Variants in LRRC8B observed in about 807,000 individuals in gnomAD.
The protein encoded by LRRC8B is volume-regulated anion channel subunit LRRC8B.
A neutral mutation model predicts 58.8 loss-of-function variants in LRRC8B; 23 were observed. The observed-to-expected ratio is 0.39, with a 90% CI of 0.28 to 0.55. The LOEUF (loss-of-function observed/expected upper bound fraction) is 0.55. LRRC8B is among the 20% of genes least tolerant of loss of function. The pLI is 0.62. For missense variants in LRRC8B, 694 were observed against 936.0 expected, an observed-to-expected ratio of 0.74 and a Z score of 3.37; for synonymous variants, 359 against 374.1, an observed-to-expected ratio of 0.96 and a Z score of 0.47.
intron 1 of LRRC8B, among the ~76,000 whole-genome samples, chr1:89,562,463 G>A (rs1652747384): frequency 2.0e-5 from 3 of 151,812 alleles, no homozygotes; most frequent in Admixed American, 1.3e-4. Flanking sequence ...TTCATATATT[G>A]CTATTTATCC....
intron 3 of LRRC8B, among the ~76,000 whole-genome samples, chr1:89,577,417 A>G (rs1421218683): frequency 6.6e-6 from 1 of 152,176 alleles, no homozygotes; most frequent in Non-Finnish European, 1.5e-5. Context: ...TAAAAGCTGA[A>G]ATAATGGGAT....
At chr1:89,577,467 T>C (rs528460919) in intron 3 of LRRC8B, among the ~76,000 whole-genome samples, 1 of 152,306 alleles carries the variant, frequency 6.6e-6, no homozygotes, top group South Asian at 2.1e-4. Flanking sequence ...TTTCTTTGGA[T>C]TGATTTAGTG....
At position 89,578,394 on chromosome 1, in the gene LRRC8B, T is replaced by C. The variant is rs546033803; in HGVS notation, c.-124-1197T>C. The stretch of plus-strand genomic sequence containing the variant: ...CATAAATGCAGTCATGTGATATATG[T>C]TGTAAGACTTTTATAAAGGCTTGTG... On this transcript the variant is annotated intron_variant, in intron 3 of 5. Transcript: ENST00000330947. Among the ~76,000 whole-genome samples, 3 of 152,096 alleles carry C rather than the reference T, an allele frequency of 2.0e-5. No homozygotes were observed. In the South Asian group the frequency reaches 6.3e-4, roughly 32 times the overall value.
intron 1 of LRRC8B, among the ~76,000 whole-genome samples, chr1:89,526,327 G>T (rs894157025): frequency 3.3e-5 from 5 of 152,178 alleles, no homozygotes; most frequent in African/African-American, 1.2e-4. Context: ...TGATTCTCCT[G>T]CCTCAGCCTC....
intron 5 of LRRC8B, among the ~76,000 whole-genome samples, chr1:89,585,258 GA>G: frequency 6.6e-6 from 1 of 152,242 alleles, no homozygotes; most frequent in Non-Finnish European, 1.5e-5. Flanking sequence ...GTGATGTGGT[GA>G]AAAAGATTTG....
intron 1 of LRRC8B, among the ~76,000 whole-genome samples, chr1:89,564,746 G>A (rs1387965274): frequency 6.6e-6 from 1 of 152,178 alleles, no homozygotes; most frequent in African/African-American, 2.4e-5. Context: ...AAGCATAATA[G>A]AACTATCAGT....
In LRRC8B at chr1:89,584,063, C is replaced by T. The variant is rs756872546; in HGVS notation, c.1413C>T (p.Tyr471=). 7.4e-6 allele frequency: 12 copies of T among 1,614,082 alleles called. No homozygotes were observed. Among genetic ancestry groups the T allele is most frequent in the Non-Finnish European group, 1.0e-5 (12 of 1,180,016 alleles). Residue 471 remains tyrosine (Y), a synonymous_variant, in exon 5 of 6, where the codon TAC becomes TAT. Coordinates refer to ENST00000330947, the MANE Select transcript of LRRC8B (RefSeq NM_001369817.2). ...QLVNLKELRV[Y]HSSLVVDHPA... ...TCAACCTCAAGGAGCTTCGTGTGTA[C>T]CATTCATCTCTGGTCGTAGACCATC... is the stretch of plus-strand genomic sequence containing the variant.
chr1:89,548,916 T>C (rs184118472), intron 1 of LRRC8B, among the ~76,000 whole-genome samples: 7 of 152,212 alleles, frequency 4.6e-5, no homozygotes, highest in African/African-American at 1.7e-4. Flanking sequence ...ATAAATACAA[T>C]AGAAGTCATA....
At chr1:89,556,385 G>T (rs1327758552) in intron 1 of LRRC8B, among the ~76,000 whole-genome samples, 1 of 152,080 alleles carries the variant, frequency 6.6e-6, no homozygotes, top group Non-Finnish European at 1.5e-5. Flanking sequence ...GTGTTTTCCT[G>T]AGTTCTATGA....
rs1653187955 is a variant in LRRC8B, at chr1:89,568,317, C to A, written c.-180+10C>A. On this transcript the variant is annotated intron_variant, in intron 2 of 5. Coordinates refer to ENST00000330947, the MANE Select transcript of LRRC8B (RefSeq NM_001369817.2). ...AATGCTTTCTTTTTAAGTAAGTTATCTTTTGTATGTTTCATAAAATTATTA... is the reference window on the plus strand; with the variant it reads ...AATGCTTTCTTTTTAAGTAAGTTATATTTTGTATGTTTCATAAAATTATTA... The A allele has an allele frequency of 6.6e-6, 1 of 152,014 alleles. No homozygotes were observed. Among genetic ancestry groups the A allele is most frequent in the African/African-American group, 2.4e-5 (1 of 41,394 alleles). 9.4% of individuals were successfully genotyped at this position (152,014 alleles called of 1,614,324 possible).
intron 3 of LRRC8B, among the ~76,000 whole-genome samples, chr1:89,575,543 C>A (rs1018359727): frequency 5.9e-5 from 9 of 152,106 alleles, no homozygotes; most frequent in Admixed American, 3.3e-4. Context: ...GAAATAAAAC[C>A]TTTTCTTAAG....
intron 1 of LRRC8B, among the ~76,000 whole-genome samples, chr1:89,560,098 A>G (rs922105): frequency 0.5 from 75,754 of 152,090 alleles, 19,248 homozygotes; most frequent in South Asian, 0.57. Flanking sequence ...GGAAAATTAG[A>G]TTACGTGAGA....
intron 1 of LRRC8B, among the ~76,000 whole-genome samples, chr1:89,547,869 G>T (rs1407326399): frequency 6.6e-6 from 1 of 152,162 alleles, no homozygotes; most frequent in Non-Finnish European, 1.5e-5. Context: ...AAAACCAGTT[G>T]TACAAATAGG....
At position 89,583,251 on chromosome 1, in the gene LRRC8B, T is replaced by G; in HGVS notation, c.601T>G (p.Ser201Ala). ...SSSGCSADID[S>A]GKQSLPYPQP... ...CTCAGGGTGTTCAGCTGACATAGATTCCGGCAAACAGTCATTGCCCTACCC... is the reference window on the plus strand; with the variant it reads ...CTCAGGGTGTTCAGCTGACATAGATGCCGGCAAACAGTCATTGCCCTACCC... The change falls in exon 5 of 6, where the codon TCC (serine) becomes GCC (alanine). Residue 201 changes from serine to alanine, a missense_variant. Transcript: ENST00000330947. This position sits in a 1 kb window ranked among gnomAD's most constrained non-coding sequence, Gnocchi z 5.2. The G allele has an allele frequency of 6.2e-7, 1 of 1,614,148 alleles. No individual in the cohort carries two copies. Among genetic ancestry groups the G allele is most frequent in the South Asian group, 1.1e-5 (1 of 91,086 alleles).
chr1:89,528,225 G>A (rs112590830), intron 1 of LRRC8B, among the ~76,000 whole-genome samples: 1,529 of 152,110 alleles, frequency 0.01, 26 homozygotes, highest in African/African-American at 0.035. Flanking sequence ...TTTCACAGAC[G>A]CTGCCAGCTG....
intron 3 of LRRC8B, among the ~76,000 whole-genome samples, chr1:89,578,616 T>C (rs1320921802): frequency 2.0e-5 from 3 of 152,188 alleles, no homozygotes; most frequent in African/African-American, 7.2e-5. Flanking sequence ...ATTTTTGATA[T>C]TTGAAATGAC....
intron 1 of LRRC8B, among the ~76,000 whole-genome samples, chr1:89,540,420 C>G (rs1198680531): frequency 2.6e-5 from 4 of 152,156 alleles, no homozygotes; most frequent in Non-Finnish European, 5.9e-5. Flanking sequence ...ATTTTGTTAT[C>G]TGTTGTAATG....
At position 89,583,937 on chromosome 1, in the gene LRRC8B, C is replaced by T. The variant is rs758224890; in HGVS notation, c.1287C>T (p.Leu429=). The change falls in exon 5 of 6, where the codon CTC becomes CTT. Residue 429 remains leucine, a synonymous_variant. Transcript: ENST00000330947. This position sits in a 1 kb window ranked among gnomAD's most constrained non-coding sequence, Gnocchi z 5.2. The part of the protein sequence containing the change: ...QDKIELHLFM[L]NGLPDNVFEL... ...AGATAGAACTGCATCTTTTTATGCT[C>T]AACGGTCTTCCAGACAATGTCTTTG... The T allele has an allele frequency of 5.0e-6, 8 of 1,614,116 alleles. No individual in the cohort carries two copies. The highest frequency in any genetic ancestry group is 6.8e-6 in the Non-Finnish European group (8 of 1,180,020).
rs773850105 is a variant in LRRC8B, at chr1:89,528,954, G to T, written c.-241+3932G>T. ...CATGACCTCAGGTAGCTGGAATAGA[G>T]ACTGGGAAATACTATCCTTATTCCA... On this transcript the variant is annotated intron_variant, in intron 1 of 5. Coordinates refer to ENST00000330947, the MANE Select transcript of LRRC8B (RefSeq NM_001369817.2). Among the ~76,000 whole-genome samples the T allele has an allele frequency of 9.9e-5, 15 of 152,284 alleles. 1 individual carries two copies. Among genetic ancestry groups the T allele is most frequent in the African/African-American group, 3.6e-4 (15 of 41,562 alleles).
Sources: gnomAD v4.1 joint callset for allele counts (sites outside exome capture counted in the v4.1 genomes callset) on GRCh38, gnomAD v4.1.1 for gene constraint, Gnocchi (gnomAD v3.1) non-coding constraint, MANE v1.5 for transcripts, NCBI Gene and HGNC (gene_info 2026-07-23, HGNC 2026-07-21) for gene names.